The following SYT1 variants were observed in gnomAD, a reference collection of about 807,000 sequenced individuals.
SYT1 encodes the protein synaptotagmin 1, also known as synaptotagmin-1.
Under a neutral mutation model 44.8 loss-of-function variants are expected in SYT1, and 8 were observed. That is an observed-to-expected ratio of 0.18 (90% CI 0.10 to 0.32). The LOEUF is 0.32. Among genes scored for constraint, SYT1 ranks in the 10% least tolerant of loss-of-function variants. SYT1 has a pLI of 1.00. For synonymous variants in SYT1, 154 were observed against 188.8 expected (o/e 0.82, Z 1.51); for missense variants, 286 against 509.3 (o/e 0.56, Z 4.22).
chr12:79,178,066 C>G (rs1311262127), intron 3 of SYT1, among the ~76,000 whole-genome samples: 1 of 151,836 alleles, frequency 6.6e-6, no homozygotes, highest in Non-Finnish European at 1.5e-5. Context: ...TCCCATTTGT[C>G]AATTTTGGCT....
intron 1 of SYT1, among the ~76,000 whole-genome samples, chr12:78,877,806 T>C (rs1874255495): frequency 1.3e-5 from 2 of 151,792 alleles, no homozygotes; most frequent in Admixed American, 1.3e-4. Context: ...TTTTTGTATT[T>C]TTTGTAGAGA....
At chr12:79,112,536 C>T (rs1565811724) in intron 3 of SYT1, among the ~76,000 whole-genome samples, 1 of 151,992 alleles carries the variant, frequency 6.6e-6, no homozygotes, top group Non-Finnish European at 1.5e-5. Flanking sequence ...AAAGATTGAC[C>T]TACCAGTGAA....
At chr12:79,314,183 A>C (rs1464534835) in intron 8 of SYT1, among the ~76,000 whole-genome samples, 2 of 148,364 alleles carry the variant, frequency 1.3e-5, no homozygotes, top group Non-Finnish European at 2.9e-5. Context: ...AAAAAAAAAA[A>C]AAAAAAAAAA....
intron 5 of SYT1, among the ~76,000 whole-genome samples, chr12:79,291,467 A>T (rs530575686): frequency 2.6e-5 from 4 of 152,260 alleles, no homozygotes; most frequent in South Asian, 4.1e-4. Context: ...CCTCTTTTTC[A>T]TACCATGATA....
At chr12:79,075,307 C>T (rs1876567169) in intron 3 of SYT1, among the ~76,000 whole-genome samples, 1 of 152,142 alleles carries the variant, frequency 6.6e-6, no homozygotes, top group Non-Finnish European at 1.5e-5. Flanking sequence ...TTGAGGCTTT[C>T]ACCTTATACT....
At chr12:79,422,374 T>G (rs970265451) in intron 9 of SYT1, among the ~76,000 whole-genome samples, 1 of 152,044 alleles carries the variant, frequency 6.6e-6, no homozygotes, top group East Asian at 1.9e-4. Flanking sequence ...TTATTTTCAT[T>G]TGGGAGCATT....
intron 9 of SYT1, among the ~76,000 whole-genome samples, chr12:79,424,466 G>C (rs1241196783): frequency 6.6e-6 from 1 of 152,114 alleles, no homozygotes; most frequent in Non-Finnish European, 1.5e-5. Context: ...AGAGTAGAGA[G>C]GGTAGTACAA....
intron 3 of SYT1, among the ~76,000 whole-genome samples, chr12:79,142,904 C>G (rs1258380842): frequency 3.3e-5 from 5 of 152,052 alleles, no homozygotes; most frequent in African/African-American, 7.2e-5. Flanking sequence ...TTTTTGCTTG[C>G]AGAAAATTGA....
chr12:79,368,457 C>A (rs2136042783), intron 9 of SYT1, among the ~76,000 whole-genome samples: 1 of 151,240 alleles, frequency 6.6e-6, no homozygotes, highest in South Asian at 2.1e-4. Context: ...GTTCTAGATC[C>A]CTGAGGAATT....
intron 4 of SYT1, among the ~76,000 whole-genome samples, chr12:79,230,269 T>TA (rs1875792730): frequency 5.3e-5 from 8 of 152,204 alleles, no homozygotes; most frequent in Admixed American, 3.9e-4. Context: ...TTGTGATTTT[T>TA]AAAAAATCTT....
intron 9 of SYT1, among the ~76,000 whole-genome samples, chr12:79,368,535 T>C (rs1346490134): frequency 6.7e-6 from 1 of 149,802 alleles, no homozygotes; most frequent in African/African-American, 2.4e-5. Context: ...GTGTTCCTAT[T>C]TCTCCACATC....
intron 9 of SYT1, among the ~76,000 whole-genome samples, chr12:79,377,767 C>T (rs1184019877): frequency 6.6e-6 from 1 of 152,064 alleles, no homozygotes; most frequent in Non-Finnish European, 1.5e-5. Context: ...TGAGAATATC[C>T]AGGGTCAGGA....
chr12:79,322,318 G>A (rs1013002943), intron 8 of SYT1, among the ~76,000 whole-genome samples: 6 of 152,050 alleles, frequency 3.9e-5, no homozygotes, highest in Non-Finnish European at 7.4e-5. Context: ...AATGGAAACT[G>A]CCGCTGGCCT....
At chr12:79,266,513 T>G (rs1878136598) in intron 4 of SYT1, among the ~76,000 whole-genome samples, 2 of 152,100 alleles carry the variant, frequency 1.3e-5, no homozygotes, top group Non-Finnish European at 2.9e-5. Flanking sequence ...ACAGTTGCAG[T>G]GCTTAGAATA....
rs1294583381 is a variant in SYT1, at chr12:79,392,799, T to G, written c.928+39180T>G. 4.1e-5 allele frequency: 4 copies of G among 96,884 alleles called. No individual in the cohort carries two copies. In the Admixed American group the frequency reaches 4.4e-4, roughly 11 times the overall value. 6.0% of individuals were successfully genotyped at this position (96,884 alleles called of 1,614,324 possible). ...AAGCACAACTCTTTATTTTTCTTTC[T>G]TTTTTTTTTTTTTTTTTAGTTATAC... On this transcript the variant is annotated intron_variant, in intron 9 of 10. Coordinates refer to ENST00000261205, the MANE Select transcript of SYT1 (RefSeq NM_005639.3).
intron 3 of SYT1, among the ~76,000 whole-genome samples, chr12:79,132,674 CAAAAAAAAAAAAAAAAAAA>C (rs71091641): frequency 4.6e-5 from 2 of 43,716 alleles, no homozygotes; most frequent in African/African-American, 1.6e-4. Context: ...GGAGTTTTCT[CAAAAAAAAAAAAAAAAAAA>C]AAAAAAAACC....
chr12:79,336,628 C>T (rs539099115), intron 8 of SYT1, among the ~76,000 whole-genome samples: 10 of 152,006 alleles, frequency 6.6e-5, no homozygotes, highest in South Asian at 2.1e-4. Context: ...TAACACTGCA[C>T]TCATTCATTC....
At chr12:79,139,933 A>G (rs767158792) in intron 3 of SYT1, among the ~76,000 whole-genome samples, 2 of 152,226 alleles carry the variant, frequency 1.3e-5, no homozygotes, top group African/African-American at 2.4e-5. Context: ...TAGGTGGGCT[A>G]TGGACTGCTG....
rs71091641 is a variant in SYT1, at chr12:79,132,674, CAA to C, written c.-17-84803_-17-84802del. Among the ~76,000 whole-genome samples, 414 of 43,692 alleles carry C rather than the reference CAA, an allele frequency of 9.5e-3. 1 individual carries two copies. Among genetic ancestry groups the C allele is most frequent in the African/African-American group, 0.026 (323 of 12,320 alleles). The allele number at this position is 43,692 out of a possible 152,430, so 28.7% of individuals were successfully genotyped here. On this transcript the variant is annotated intron_variant, in intron 3 of 10. Transcript: ENST00000261205. The stretch of plus-strand genomic sequence containing the variant: ...CATGGTCAACAATATGGAGTTTTCT[CAA>C]AAAAAAAAAAAAAAAAAAAAAAAAA...
Sources: allele counts gnomAD v4.1 joint callset (sites outside exome capture counted in the v4.1 genomes callset), GRCh38; gene constraint gnomAD v4.1.1; transcripts MANE v1.5; gene names NCBI Gene and HGNC (gene_info 2026-07-23, HGNC 2026-07-21).